The following DNMT3A variants were observed in gnomAD, a reference collection of about 807,000 sequenced individuals.
DNMT3A encodes the protein DNA methyltransferase 3 alpha, also known as DNA (cytosine-5)-methyltransferase 3A.
A neutral mutation model predicts 117.6 loss-of-function variants in DNMT3A; 267 were observed. The ratio of observed to expected loss-of-function variants is 2.27; its 90% CI spans 2.05 to 2.51. DNMT3A has a LOEUF of 2.51. Among genes scored for constraint, DNMT3A ranks in the 30% most tolerant of loss-of-function variants. The probability of loss-of-function intolerance (pLI) is 0.00; values close to 1 mark genes in which losing one functional copy is unlikely to be tolerated. For synonymous variants in DNMT3A, 432 were observed against 474.8 expected, an observed-to-expected ratio of 0.91 and a Z score of 1.17; for missense variants, 1,029 against 1,260.2, an observed-to-expected ratio of 0.82 and a Z score of 2.78.
intron 2 of DNMT3A, among the ~76,000 whole-genome samples, chr2:25,313,040 A>C (rs2034202910): frequency 1.3e-5 from 2 of 152,192 alleles, no homozygotes; most frequent in South Asian, 4.1e-4. Context: ...TATGGCCATC[A>C]TAAGATCCCC....
chr2:25,328,589 C>A (rs190660043), intron 1 of DNMT3A: 21 of 475,080 alleles, frequency 4.4e-5, no homozygotes, highest in Admixed American at 2.8e-4. Flanking sequence ...CCGTCCCCCC[C>A]GCCCACAGCT....
At chr2:25,240,117 C>G (rs921693918) in intron 19 of DNMT3A, among the ~76,000 whole-genome samples, 185 bp downstream of exon 19, 5 of 152,196 alleles carry the variant, frequency 3.3e-5, no homozygotes, top group African/African-American at 1.2e-4. Context: ...CTGGTTCTTT[C>G]CGAGGTAGGC....
intron 1 of DNMT3A, among the ~76,000 whole-genome samples, chr2:25,323,844 G>A (rs2149440092): frequency 6.6e-6 from 1 of 152,232 alleles, no homozygotes; most frequent in Non-Finnish European, 1.5e-5. Flanking sequence ...CCTTTGAAGT[G>A]GGTACTATTT....
chr2:25,341,755 C>G (rs1193194192), intron 1 of DNMT3A, 71 bp downstream of exon 1: 24 of 959,926 alleles, frequency 2.5e-5, no homozygotes, highest in Non-Finnish European at 2.8e-5. Context: ...CGCGGCGCCC[C>G]CCGCCCGGCT....
chr2:25,287,117 A>G (rs2032367221), intron 3 of DNMT3A, among the ~76,000 whole-genome samples: 1 of 152,108 alleles, frequency 6.6e-6, no homozygotes, highest in African/African-American at 2.4e-5. Flanking sequence ...CTGTTAAACA[A>G]TCTGCTTTTG....
chr2:25,275,238 G>A, intron 5 of DNMT3A, 151 bp from the exon 6 acceptor site: 1 of 1,229,612 alleles, frequency 8.1e-7, no homozygotes, highest in Non-Finnish European at 1.1e-6. Context: ...GGCTGGAGGA[G>A]CGAGGGGCAT....
At position 25,329,040 on chromosome 2, in the gene DNMT3A, C is replaced by T. The variant is rs375303776; in HGVS notation, c.-178+12786G>A. On this transcript the variant is annotated intron_variant, in intron 1 of 22. Coordinates refer to ENST00000321117, the MANE Select transcript of DNMT3A (RefSeq NM_022552.5). ...CCAAAGGGTCTTCAGGGCTTGGGAG[C>T]GGCTGTTGGAGCTCGTCCCCCACCA... Among the ~76,000 whole-genome samples the T allele has an allele frequency of 7.0e-3, 1,068 of 152,268 alleles. 17 individuals are homozygous for T. Among genetic ancestry groups the T allele is most frequent in the African/African-American group, 0.024 (995 of 41,540 alleles).
At chr2:25,269,484 CAGGA>C (rs945929411) in intron 6 of DNMT3A, among the ~76,000 whole-genome samples, 1 of 152,148 alleles carries the variant, frequency 6.6e-6, no homozygotes, top group South Asian at 2.1e-4. Context: ...GGAACGATGA[CAGGA>C]AGGAAGGAAG....
Position 25,247,429 on chromosome 2 carries a change from C to A in DNMT3A, c.1014+162G>T, listed in dbSNP as rs920430484. On this transcript the variant is annotated intron_variant, in intron 8 of 22. Coordinates refer to ENST00000321117, the MANE Select transcript of DNMT3A (RefSeq NM_022552.5). This position sits in a 1 kb window ranked among gnomAD's most constrained non-coding sequence, Gnocchi z 5.6. ...CTAGCTCTCTGAGCCACAGGTGCAA[C>A]CTAATTATCCCTACAGCTTCTTCCA... 6.0e-6 allele frequency: 7 copies of A among 1,158,954 alleles called. No homozygotes were observed. Among genetic ancestry groups the A allele is most frequent in the Non-Finnish European group, 7.2e-6 (6 of 834,112 alleles). 71.8% of individuals were successfully genotyped at this position (1,158,954 alleles called of 1,614,324 possible).
chr2:25,300,714 TATATA>T (rs1558722695), intron 2 of DNMT3A, among the ~76,000 whole-genome samples: 144 of 4,018 alleles, frequency 0.036, 12 homozygotes, highest in Non-Finnish European at 0.065. Flanking sequence ...AATAATATAA[TATATA>T]TATATATATA....
Position 25,234,741 on chromosome 2 carries a change from A to T in DNMT3A, c.2598-321T>A, listed in dbSNP as rs1460929309. On this transcript the variant is annotated intron_variant, in intron 22 of 22. Transcript: ENST00000321117. This position sits in a 1 kb window ranked among gnomAD's most constrained non-coding sequence, Gnocchi z 4.5. Reference sequence around the variant, plus strand: ...GAGTAATTTTGAACAATCCCTCAGAAATACCTCCAGGACACACTCTCTAGT... The same window carrying T: ...GAGTAATTTTGAACAATCCCTCAGATATACCTCCAGGACACACTCTCTAGT... Among the ~76,000 whole-genome samples, 1 of 152,158 alleles carries T rather than the reference A, an allele frequency of 6.6e-6. No individual in the cohort carries two copies. The highest frequency in any genetic ancestry group is 1.5e-5 in the Non-Finnish European group (1 of 68,022).
intron 4 of DNMT3A, among the ~76,000 whole-genome samples, chr2:25,280,250 T>A (rs1390234362): frequency 6.6e-6 from 1 of 151,694 alleles, no homozygotes; most frequent in East Asian, 1.9e-4. Context: ...TGACATGAGC[T>A]TTTCAAATTG....
chr2:25,291,350 G>A (rs1046696743), intron 3 of DNMT3A, among the ~76,000 whole-genome samples: 3 of 152,156 alleles, frequency 2.0e-5, no homozygotes, highest in Admixed American at 6.5e-5. Context: ...TTCCCCTGGC[G>A]GCCCTCACCA....
chr2:25,241,586 G>T lies in DNMT3A; in HGVS notation c.2058C>A (p.Asp686Glu). Residue 686 changes from aspartate (D) to glutamate (E), a missense_variant, in exon 17 of 23, where the codon GAC (aspartate) becomes GAA (glutamate). Transcript: ENST00000321117. ...RHQGKIMYVG[D>E]VRSVTQKHIQ... ...CATGCTTCTGTGTGACGCTGCGGACGTCCCCGACGTACATGATCTTCCCCT... is the reference window on the plus strand; with the variant it reads ...CATGCTTCTGTGTGACGCTGCGGACTTCCCCGACGTACATGATCTTCCCCT... 3 of 1,613,958 alleles carry T rather than the reference G, an allele frequency of 1.9e-6. No individual in the cohort carries two copies. Among genetic ancestry groups the T allele is most frequent in the Non-Finnish European group, 1.7e-6 (2 of 1,179,922 alleles).
intron 16 of DNMT3A, 162 bp from the exon 17 acceptor site, chr2:25,241,869 A>G: frequency 1.1e-6 from 1 of 871,768 alleles, no homozygotes; most frequent in Non-Finnish European, 1.7e-6. Flanking sequence ...ATCCAACTGG[A>G]GTATCCATAG....
rs1308003093 is a variant in DNMT3A, at chr2:25,298,997, A to G, written c.177+1142T>C. Among the ~76,000 whole-genome samples the G allele has an allele frequency of 7.1e-6, 1 of 140,128 alleles. No individual in the cohort carries two copies. Among genetic ancestry groups the G allele is most frequent in the Non-Finnish European group, 1.5e-5 (1 of 65,098 alleles). 91.9% of individuals were successfully genotyped at this position (140,128 alleles called of 152,430 possible). ...TCACCTTCAACCCGGCTCTCTACCC[A>G]AAGGGAGCAAGTCCTGGGCTCCATG... On this transcript the variant is annotated intron_variant, in intron 3 of 22. Coordinates refer to ENST00000321117, the MANE Select transcript of DNMT3A (RefSeq NM_022552.5). This position sits in a 1 kb window ranked among gnomAD's most constrained non-coding sequence, Gnocchi z 4.3.
chr2:25,249,135 A>T (rs750588598), intron 6 of DNMT3A, among the ~76,000 whole-genome samples: 1 of 152,206 alleles, frequency 6.6e-6, no homozygotes, highest in Non-Finnish European at 1.5e-5. Flanking sequence ...TCAGCCAGGC[A>T]TGTGCCTGTA....
rs1171085558 is a variant in DNMT3A at position 25,246,035 on chromosome 2, A to G, written c.1459T>C (p.Cys487Arg). 1 of 1,614,074 alleles carries G rather than the reference A, an allele frequency of 6.2e-7. No homozygotes were observed. The highest frequency in any genetic ancestry group is 2.2e-5 in the East Asian group (1 of 44,874). ...ERLVYEVRQK[C>R]RNIEDICISC... Reference sequence around the variant, plus strand: ...ACAAACTTACCCTCAATGTTCCGGCACTTCTGCCGCACCTCGTACACCAGC... The same window carrying G: ...ACAAACTTACCCTCAATGTTCCGGCGCTTCTGCCGCACCTCGTACACCAGC... The change falls in exon 12 of 23, where the codon TGC becomes CGC. Residue 487 changes from cysteine to arginine, a missense_variant. Coordinates refer to ENST00000321117, the MANE Select transcript of DNMT3A (RefSeq NM_022552.5).
At chr2:25,246,595 C>T (rs1434466439) in intron 10 of DNMT3A, 25 bp downstream of exon 10, 9 of 1,596,400 alleles carry the variant, frequency 5.6e-6, no homozygotes, top group Admixed American at 1.7e-5. Context: ...GCAGGGGTCC[C>T]AGAAAGCTGG....
Sources: gnomAD v4.1 joint callset for allele counts (sites outside exome capture counted in the v4.1 genomes callset) on GRCh38, gnomAD v4.1.1 for gene constraint, Gnocchi (gnomAD v3.1) non-coding constraint, MANE v1.5 for transcripts, NCBI Gene and HGNC (gene_info 2026-07-23, HGNC 2026-07-21) for gene names.